Variants in TP53TG3D observed in about 807,000 individuals in gnomAD.
TP53TG3D encodes TP53-target gene 3 protein.
For synonymous variants in TP53TG3D, 2 were observed against 56.9 expected (o/e 0.04, Z 4.34); for missense variants, 4 against 139.9 (o/e 0.03, Z 4.90).
chr16:32,254,777 A>G, intron 1 of TP53TG3D, 114 bp from the exon 2 acceptor site: 1 of 1,596,318 alleles, frequency 6.3e-7, no homozygotes, highest in East Asian at 2.3e-5. Flanking sequence ...TCTACCCTGA[A>G]TAGGGCTCCC....
chr16:32,255,109 T>C, exon 2 of TP53TG3D: 1 of 1,034,688 alleles, frequency 9.7e-7, no homozygotes, highest in Non-Finnish European at 1.4e-6. Context: ...CTTTAATAAC[T>C]GTCGTTTGTC....
chr16:32,254,988 G>A (rs888966946), exon 2 of TP53TG3D: 217 of 1,059,206 alleles, frequency 2.0e-4, no homozygotes, highest in Non-Finnish European at 2.7e-4. Flanking sequence ...GAATCTCCGT[G>A]GGACATCTCT....
intron 1 of TP53TG3D, 155 bp from the exon 2 acceptor site, chr16:32,254,736 G>C (rs1962181187): frequency 7.3e-6 from 11 of 1,506,474 alleles, no homozygotes; most frequent in Non-Finnish European, 9.7e-6. Context: ...AGGGTAGTTT[G>C]TGTGGTGAGG....
chr16:32,254,288 C>A, intron 1 of TP53TG3D: 1 of 1,252,690 alleles, frequency 8.0e-7, no homozygotes. Context: ...CTCGAGAAGC[C>A]CGTTCATGAG....
exon 2 of TP53TG3D, chr16:32,255,279 G>A (rs1962199860): frequency 3.4e-6 from 1 of 293,406 alleles, no homozygotes; most frequent in Non-Finnish European, 6.5e-6. Flanking sequence ...TACTTTTGTG[G>A]GGGATTCGTG....
chr16:32,254,689 C>T, intron 1 of TP53TG3D: 5 of 1,452,432 alleles, frequency 3.4e-6, no homozygotes, highest in Non-Finnish European at 4.5e-6. Flanking sequence ...TGCAGGTCAG[C>T]AGGACCAGAG....
intron 1 of TP53TG3D, 142 bp from the exon 2 acceptor site, chr16:32,254,749 A>G: frequency 6.5e-7 from 1 of 1,544,630 alleles, no homozygotes; most frequent in Non-Finnish European, 8.7e-7. Context: ...TGGTGAGGTC[A>G]GGGATAGTGT....
At chr16:32,253,807 TCA>T in intron 1 of TP53TG3D, 92 bp downstream of exon 1, 1 of 1,530,500 alleles carries the variant, frequency 6.5e-7, no homozygotes, top group South Asian at 1.2e-5. Context: ...CCTCCTCTTG[TCA>T]CTCCCTTTCA....
rs774629877 is a variant in TP53TG3D, at chr16:32,254,855, A to G, written c.363-36A>G. The G allele has an allele frequency of 1.5e-5, 23 of 1,585,974 alleles. 2 individuals carry two copies. Among genetic ancestry groups the G allele is most frequent in the African/African-American group, 1.2e-4 (9 of 73,570 alleles). On this transcript the variant is annotated intron_variant, in intron 1 of 1. Coordinates refer to ENST00000398664, the Ensembl canonical transcript of TP53TG3D. Reference sequence around the variant, plus strand: ...TTTAATAGTTTTCTGATAGAACTAAACAGTGATCATTCTCTTAATTCATGT... The same window carrying G: ...TTTAATAGTTTTCTGATAGAACTAAGCAGTGATCATTCTCTTAATTCATGT...
chr16:32,254,960 G>A (rs1326192340), exon 2 of TP53TG3D: 2 of 1,372,648 alleles, frequency 1.5e-6, no homozygotes, highest in East Asian at 4.7e-5. Flanking sequence ...CTCCGTGCAG[G>A]GCAGACGCAC....
exon 2 of TP53TG3D, chr16:32,254,969 A>G (rs1380378526): frequency 8.1e-7 from 1 of 1,232,290 alleles, no homozygotes; most frequent in African/African-American, 1.5e-5. Flanking sequence ...GGGCAGACGC[A>G]CAAGAGCAGA....
chr16:32,254,729 G>A (rs1420268342), intron 1 of TP53TG3D, 162 bp from the exon 2 acceptor site: 1 of 1,484,736 alleles, frequency 6.7e-7, no homozygotes, highest in Non-Finnish European at 8.9e-7. Context: ...ACACATGAGG[G>A]TAGTTTGTGT....
At chr16:32,254,828 C>T in intron 1 of TP53TG3D, 63 bp from the exon 2 acceptor site, 1 of 1,606,598 alleles carries the variant, frequency 6.2e-7, no homozygotes, top group Non-Finnish European at 8.5e-7. Context: ...CCTTGGACCA[C>T]TTTTAATAGT....
chr16:32,255,217 C>T (rs1411048336), exon 2 of TP53TG3D: 3 of 483,074 alleles, frequency 6.2e-6, no homozygotes, highest in Non-Finnish European at 1.1e-5. Context: ...AATTGAAAGT[C>T]CTGCCTGCTG....
Sources: allele counts gnomAD v4.1 joint callset, GRCh38; gene constraint gnomAD v4.1.1; transcripts MANE v1.5; gene names NCBI Gene and HGNC (gene_info 2026-07-23, HGNC 2026-07-21).